The following LAMA4 variants were observed in gnomAD, a reference collection of about 807,000 sequenced individuals.
The protein encoded by LAMA4 is laminin subunit alpha-4.
A neutral mutation model predicts 207.1 loss-of-function variants in LAMA4; 127 were observed. The ratio of observed to expected loss-of-function variants is 0.61; its 90% CI spans 0.53 to 0.71. The LOEUF (loss-of-function observed/expected upper bound fraction) is 0.71. Among genes scored for constraint, LAMA4 ranks in the 30% least tolerant of loss-of-function variants. The probability of loss-of-function intolerance (pLI) is 0.00; values close to 1 mark genes in which losing one functional copy is unlikely to be tolerated. For missense variants in LAMA4, 2,093 were observed against 2,246.5 expected, an observed-to-expected ratio of 0.93 and a Z score of 1.38; for synonymous variants, 761 against 816.0, an observed-to-expected ratio of 0.93 and a Z score of 1.15.
chr6:112,151,058 C>T (rs1298847721), intron 16 of LAMA4, among the ~76,000 whole-genome samples: 1 of 148,900 alleles, frequency 6.7e-6, no homozygotes. Flanking sequence ...GAAAAAGGCA[C>T]CCTTTATAAA....
Position 112,178,106 on chromosome 6 carries a change from A to C in LAMA4, c.1189+15T>G. ...TTCCTTGATATTAAACTGAACCAGA[A>C]GAGAATATATTTACCTTGGATTTTA... is the stretch of plus-strand genomic sequence containing the variant. On this transcript the variant is annotated intron_variant, in intron 10 of 38. Transcript: ENST00000230538. The C allele has an allele frequency of 2.7e-5, 42 of 1,538,580 alleles. No homozygotes were observed. Among genetic ancestry groups the C allele is most frequent in the South Asian group, 3.3e-5 (3 of 89,568 alleles).
intron 14 of LAMA4, among the ~76,000 whole-genome samples, chr6:112,156,690 C>T (rs782125029): frequency 1.3e-5 from 2 of 152,216 alleles, no homozygotes; most frequent in East Asian, 1.9e-4. Flanking sequence ...GAAGGTCCTC[C>T]GTGACCCAGT....
intron 9 of LAMA4, among the ~76,000 whole-genome samples, chr6:112,182,231 A>C (rs1374290414): frequency 5.9e-5 from 9 of 152,196 alleles, no homozygotes; most frequent in Admixed American, 3.9e-4. Flanking sequence ...CACAGATACC[A>C]AAATTCATGG....
chr6:112,230,566 G>T (rs962139619), intron 2 of LAMA4, among the ~76,000 whole-genome samples: 3 of 152,204 alleles, frequency 2.0e-5, no homozygotes, highest in Admixed American at 1.3e-4. Flanking sequence ...CATAGAAATT[G>T]TTCTGTAACT....
At chr6:112,208,572 T>C (rs962595300) in intron 3 of LAMA4, among the ~76,000 whole-genome samples, 2 of 152,162 alleles carry the variant, frequency 1.3e-5, no homozygotes, top group Non-Finnish European at 2.9e-5. Flanking sequence ...GAAATCTGGC[T>C]CCAGAAGTGA....
In LAMA4 at chr6:112,130,300, T is replaced by TGTGTGTG. The variant is rs59700559; in HGVS notation, c.3969-261_3969-260insCACACAC. On this transcript the variant is annotated intron_variant, in intron 29 of 38. Coordinates refer to ENST00000230538, the MANE Select transcript of LAMA4 (RefSeq NM_001105206.3). ...AGATGACTAGTCATCAGCATTATTT[T>TGTGTGTG]TGTGTGTGTGTGTGTGTGTGTGTGT... 1.4e-3 allele frequency: 539 copies of TGTGTGTG among 382,222 alleles called. 2 individuals are homozygous for TGTGTGTG. Among genetic ancestry groups the TGTGTGTG allele is most frequent in the African/African-American group, 0.01 (483 of 46,782 alleles). The allele number at this position is 382,222 out of a possible 1,614,324, so 23.7% of individuals were successfully genotyped here.
At chr6:112,151,348 T>A (rs1243498471) in intron 16 of LAMA4, among the ~76,000 whole-genome samples, 1 of 152,192 alleles carries the variant, frequency 6.6e-6, no homozygotes, top group East Asian at 1.9e-4. Context: ...AGCTTTGTTT[T>A]TATTCTTCAA....
At chr6:112,180,335 T>C (rs4947172) in intron 9 of LAMA4, among the ~76,000 whole-genome samples, 23,260 of 152,190 alleles carry the variant, frequency 0.15, 1,995 homozygotes, top group East Asian at 0.29. Flanking sequence ...GCTATTGATA[T>C]ACTGTATATA....
Position 112,224,107 on chromosome 6 carries a change from T to C in LAMA4, c.196-7638A>G, listed in dbSNP as rs552247593. ...CCCATCATCTGGCCTTCCTCTCACA[T>C]ACCATGCACTTTCACATCCACAGGG... On this transcript the variant is annotated intron_variant, in intron 2 of 38. Coordinates refer to ENST00000230538, the MANE Select transcript of LAMA4 (RefSeq NM_001105206.3). 3.3e-5 allele frequency among the ~76,000 whole-genome samples: 5 copies of C among 152,272 alleles called. No homozygotes were observed. In the South Asian group the frequency reaches 1.0e-3, roughly 32 times the overall value.
intron 5 of LAMA4, among the ~76,000 whole-genome samples, chr6:112,192,477 G>A (rs1304256970): frequency 6.6e-6 from 1 of 152,228 alleles, no homozygotes; most frequent in Non-Finnish European, 1.5e-5. Context: ...CCAGCCTGGA[G>A]TCAAAGCAGA....
chr6:112,234,181 C>A (rs1785737585), intron 2 of LAMA4: 1 of 151,750 alleles, frequency 6.6e-6, no homozygotes, highest in Non-Finnish European at 1.5e-5. Context: ...TTTCATTCTG[C>A]CGTTTGATGC....
chr6:112,240,941 A>G (rs1554187515), intron 2 of LAMA4, among the ~76,000 whole-genome samples: 1 of 151,186 alleles, frequency 6.6e-6, no homozygotes, highest in African/African-American at 2.4e-5. Context: ...TTGTAGCTCA[A>G]TTTTTATTTT....
intron 17 of LAMA4, 87 bp from the exon 18 acceptor site, chr6:112,148,423 A>T: frequency 7.1e-7 from 1 of 1,412,556 alleles, no homozygotes; most frequent in Non-Finnish European, 9.9e-7. Flanking sequence ...CCTTGAATGA[A>T]ACAGATCTCA....
rs1185581014 is a variant in LAMA4 at position 112,178,175 on chromosome 6, T to A, written c.1135A>T (p.Asn379Tyr). 1.2e-6 allele frequency: 2 copies of A among 1,613,910 alleles called. No individual in the cohort carries two copies. Among genetic ancestry groups the A allele is most frequent in the Non-Finnish European group, 1.7e-6 (2 of 1,179,898 alleles). Reference sequence around the variant, plus strand: ...TGCTCTACCAGCTGACTTGCGTGGTTAATGGTGTCCATGCTTTCCTTCTGA... The same window carrying A: ...TGCTCTACCAGCTGACTTGCGTGGTAAATGGTGTCCATGCTTTCCTTCTGA... ...LVQKESMDTI[N>Y]HASQLVEQAH... The change falls in exon 10 of 39, where the codon AAC becomes TAC. Residue 379 changes from asparagine (N) to tyrosine (Y), a missense_variant. By Grantham distance (143) the Asn-to-Tyr change is moderately radical (BLOSUM62 -2). Around this residue, in one of 3 missense-constraint regions of LAMA4, gnomAD observed 1,704 missense variants for 1,788.4 expected, o/e 0.95. Transcript: ENST00000230538.
chr6:112,207,975 G>A (rs1414789194), intron 3 of LAMA4, among the ~76,000 whole-genome samples: 4 of 152,034 alleles, frequency 2.6e-5, no homozygotes, highest in South Asian at 2.1e-4. Context: ...CCATTAACTC[G>A]AACGGAGTAG....
intron 31 of LAMA4, among the ~76,000 whole-genome samples, chr6:112,124,348 C>T (rs759896498): frequency 2.6e-5 from 4 of 152,182 alleles, no homozygotes; most frequent in Admixed American, 1.3e-4. Flanking sequence ...TACTCTGCTT[C>T]AGTGTGGGAA....
intron 29 of LAMA4, 120 bp downstream of exon 29, chr6:112,130,848 T>C: frequency 4.0e-6 from 4 of 1,010,162 alleles, no homozygotes; most frequent in Non-Finnish European, 4.7e-6. Context: ...TTGTTCCTTC[T>C]AGCATTTTTG....
intron 25 of LAMA4, 141 bp downstream of exon 25, chr6:112,135,982 A>AG: frequency 1.4e-6 from 1 of 720,212 alleles, no homozygotes; most frequent in East Asian, 2.7e-5. Flanking sequence ...TGAGAAGATG[A>AG]GGGTCCTTCA....
In LAMA4 at chr6:112,117,575, G is replaced by A. The variant is rs1170849069; in HGVS notation, c.4981+164C>T. On this transcript the variant is annotated intron_variant, in intron 35 of 38. Transcript: ENST00000230538. This position sits in a 1 kb window ranked among gnomAD's most constrained non-coding sequence, Gnocchi z 4.5. ...ATACAGGGATGGGGACTGCATGTAT[G>A]GTTTGGAGTGCAGGAGGGAGAAAGG... Among the ~76,000 whole-genome samples, 12 of 152,150 alleles carry A rather than the reference G, an allele frequency of 7.9e-5. No homozygotes were observed. Among genetic ancestry groups the A allele is most frequent in the African/African-American group, 2.4e-5 (1 of 41,424 alleles).
Sources: gnomAD v4.1 joint callset for allele counts (sites outside exome capture counted in the v4.1 genomes callset) on GRCh38, gnomAD v4.1.1 for gene constraint, gnomAD v4.1.1 regional missense constraint, Gnocchi (gnomAD v3.1) non-coding constraint, MANE v1.5 for transcripts, NCBI Gene and HGNC (gene_info 2026-07-23, HGNC 2026-07-21) for gene names.